The following PPARGC1A variants were observed in gnomAD, a reference collection of about 807,000 sequenced individuals.
PPARGC1A encodes the protein peroxisome proliferator-activated receptor gamma coactivator 1-alpha.
In PPARGC1A, 25 loss-of-function variants were observed where a neutral mutation model predicts 88.7. The ratio of observed to expected loss-of-function variants is 0.28; its 90% CI spans 0.21 to 0.39. The LOEUF (loss-of-function observed/expected upper bound fraction) is 0.39, where lower values mean the gene tolerates loss of function less well. PPARGC1A is among the 10% of genes least tolerant of loss of function. PPARGC1A has a pLI of 1.00. For missense variants in PPARGC1A, 880 were observed against 968.7 expected (o/e 0.91, Z 1.22); for synonymous variants, 363 against 355.6 (o/e 1.02, Z -0.24).
At chr4:23,810,896 A>G (rs921506504) in intron 10 of PPARGC1A, among the ~76,000 whole-genome samples, 2 of 152,200 alleles carry the variant, frequency 1.3e-5, no homozygotes, top group African/African-American at 4.8e-5. Context: ...AGTTATTATA[A>G]TTATTGAATA....
the PPARGC1A span, among the ~76,000 whole-genome samples, chr4:23,938,378 CATTT>C: frequency 6.6e-6 from 1 of 152,264 alleles, no homozygotes; most frequent in East Asian, 1.9e-4. Context: ...CTAGGTCATT[CATTT>C]ATTTATTCTT....
chr4:24,345,163 T>C, the PPARGC1A span, among the ~76,000 whole-genome samples: 5 of 152,298 alleles, frequency 3.3e-5, no homozygotes, highest in East Asian at 5.8e-4. Flanking sequence ...TATAGCCTTA[T>C]AGGATAGTTT....
At position 23,802,339 on chromosome 4, in the gene PPARGC1A, G is replaced by A. The variant is rs754602547; in HGVS notation, c.2026C>T (p.Arg676Cys). Residue 676 changes from arginine to cysteine, a missense_variant, in exon 11 of 13, where the codon CGC becomes TGC. By Grantham distance (180) the Arg-to-Cys change is radical (BLOSUM62 -3). Coordinates refer to ENST00000264867, the MANE Select transcript of PPARGC1A (RefSeq NM_013261.5). ...ERQRQKAIEE[R>C]RVIYVGKIRP... ...ATTTTACCGACATAAATCACACGGC[G>A]CTCTTCCTATGGGGGGAAGGAAGGA... 23 of 1,613,848 alleles carry A rather than the reference G, an allele frequency of 1.4e-5. No homozygotes were observed. Among genetic ancestry groups the A allele is most frequent in the East Asian group, 4.5e-5 (2 of 44,862 alleles).
chr4:24,316,366 CCAT>C, the PPARGC1A span, among the ~76,000 whole-genome samples: 1 of 152,202 alleles, frequency 6.6e-6, no homozygotes, highest in Non-Finnish European at 1.5e-5. Flanking sequence ...CTTTCTGACT[CCAT>C]TAGCACAATG....
At chr4:24,103,777 G>A in the PPARGC1A span, among the ~76,000 whole-genome samples, 226 of 152,244 alleles carry the variant, frequency 1.5e-3, 1 homozygote, top group African/African-American at 5.2e-3. Flanking sequence ...GAAAACAAGA[G>A]GAACTATCTC....
chr4:24,395,267 T>C, the PPARGC1A span, among the ~76,000 whole-genome samples: 22 of 152,334 alleles, frequency 1.4e-4, no homozygotes, highest in African/African-American at 5.3e-4. Flanking sequence ...AGCTAATTAT[T>C]ATGTGTAACT....
At chr4:23,814,701 C>G (rs1157306138) in intron 7 of PPARGC1A, 96 bp from the exon 8 acceptor site, 3 of 1,205,314 alleles carry the variant, frequency 2.5e-6, no homozygotes, top group Non-Finnish European at 3.4e-6. Flanking sequence ...TCTAATTTTT[C>G]CAAGATTTCA....
chr4:23,952,464 C>A, the PPARGC1A span, among the ~76,000 whole-genome samples: 1 of 152,056 alleles, frequency 6.6e-6, no homozygotes, highest in Non-Finnish European at 1.5e-5. Context: ...CCTGGGCTGC[C>A]TTTCTAGAGG....
chr4:24,401,422 G>A, the PPARGC1A span, among the ~76,000 whole-genome samples: 2 of 152,116 alleles, frequency 1.3e-5, no homozygotes, highest in Non-Finnish European at 2.9e-5. Flanking sequence ...CCATTATCGG[G>A]CCAATGAACA....
At chr4:24,461,105 T>G in the PPARGC1A span, among the ~76,000 whole-genome samples, 2 of 152,120 alleles carry the variant, frequency 1.3e-5, no homozygotes, top group Admixed American at 6.5e-5. Context: ...TTTTATTTGT[T>G]GTAGAGGTGG....
At chr4:24,264,775 T>G in the PPARGC1A span, among the ~76,000 whole-genome samples, 1 of 152,242 alleles carries the variant, frequency 6.6e-6, no homozygotes, top group Non-Finnish European at 1.5e-5. Flanking sequence ...ACAAAGACCA[T>G]GCACCCAGAG....
the PPARGC1A span, among the ~76,000 whole-genome samples, chr4:24,432,798 G>A: frequency 1.3e-5 from 2 of 152,098 alleles, no homozygotes; most frequent in Admixed American, 6.5e-5. Context: ...TAATTGATTT[G>A]AATAACTGTT....
At chr4:24,335,848 G>A in the PPARGC1A span, among the ~76,000 whole-genome samples, 8 of 151,952 alleles carry the variant, frequency 5.3e-5, no homozygotes, top group Non-Finnish European at 7.4e-5. Flanking sequence ...GAAGTCAGGC[G>A]GATATGCCCA....
At chr4:23,911,985 C>G in the PPARGC1A span, among the ~76,000 whole-genome samples, 2 of 152,170 alleles carry the variant, frequency 1.3e-5, no homozygotes, top group African/African-American at 4.8e-5. Flanking sequence ...ACATAACCAA[C>G]TTCAAACTGA....
chr4:24,169,853 A>C, the PPARGC1A span, among the ~76,000 whole-genome samples: 1 of 152,066 alleles, frequency 6.6e-6, no homozygotes, highest in African/African-American at 2.4e-5. Context: ...CAAAAAGATA[A>C]TCTCTCTCCA....
At chr4:23,912,648 C>G in the PPARGC1A span, among the ~76,000 whole-genome samples, 2 of 152,102 alleles carry the variant, frequency 1.3e-5, no homozygotes, top group Non-Finnish European at 2.9e-5. Context: ...TCCCTATGAG[C>G]TATGAAACCT....
chr4:24,122,358 A>T, the PPARGC1A span, among the ~76,000 whole-genome samples: 622 of 135,272 alleles, frequency 4.6e-3, 12 homozygotes, highest in East Asian at 0.076. Context: ...CCTCTCTGTG[A>T]GTGTATGCGT....
the PPARGC1A span, among the ~76,000 whole-genome samples, chr4:24,065,044 C>T: frequency 2.0e-5 from 3 of 152,144 alleles, no homozygotes; most frequent in Non-Finnish European, 4.4e-5. Flanking sequence ...TTAGGAGGAC[C>T]ACTTATCCCT....
At chr4:24,247,941 T>A in the PPARGC1A span, among the ~76,000 whole-genome samples, 3 of 152,122 alleles carry the variant, frequency 2.0e-5, no homozygotes, top group Admixed American at 2.0e-4. Context: ...CTAATATCGA[T>A]CTGGCTGGGC....
Sources: gnomAD v4.1 joint callset for allele counts (sites outside exome capture counted in the v4.1 genomes callset) on GRCh38, gnomAD v4.1.1 for gene constraint, MANE v1.5 for transcripts, NCBI Gene and HGNC (gene_info 2026-07-23, HGNC 2026-07-21) for gene names.